Variants in CACNA1E observed in about 807,000 individuals in gnomAD.
CACNA1E encodes the protein calcium voltage-gated channel subunit alpha1 E.
Under a neutral mutation model 259.2 loss-of-function variants are expected in CACNA1E, and 40 were observed. The ratio of observed to expected loss-of-function variants is 0.15; its 90% CI spans 0.12 to 0.20. The LOEUF is 0.20. CACNA1E is among the 10% of genes least tolerant of loss of function. CACNA1E has a pLI of 1.00. For missense variants in CACNA1E, 1,874 were observed against 3,040.1 expected, an observed-to-expected ratio of 0.62 and a Z score of 9.02; for synonymous variants, 1,104 against 1,138.5, an observed-to-expected ratio of 0.97 and a Z score of 0.61.
chr1:181,562,855 A>G (rs1484093321), intron 3 of CACNA1E, among the ~76,000 whole-genome samples: 1 of 152,196 alleles, frequency 6.6e-6, no homozygotes, highest in African/African-American at 2.4e-5. Flanking sequence ...TGTGTTCACA[A>G]TGAAAGTACA....
At chr1:181,771,463 T>A in intron 36 of CACNA1E, 79 bp downstream of exon 36, 1 of 769,724 alleles carries the variant, frequency 1.3e-6, no homozygotes, top group Non-Finnish European at 2.3e-6. Context: ...TCCTCCCATT[T>A]CCCTTTGTAT....
rs1463649661 is a variant in CACNA1E, at chr1:181,799,064, G to A, written c.*230G>A. On this transcript the variant is annotated 3_prime_UTR_variant, in exon 48 of 48. Transcript: ENST00000367573. ...ACTGCCATAGTTCTGCCTCTTTGCT[G>A]GGGAAAGAAACCAGGAACGTGGAGG... 1 of 422,734 alleles carries A rather than the reference G, an allele frequency of 2.4e-6. No individual in the cohort carries two copies. Among genetic ancestry groups the A allele is most frequent in the Non-Finnish European group, 4.2e-6 (1 of 240,872 alleles). 26.2% of individuals were successfully genotyped at this position (422,734 alleles called of 1,614,324 possible).
intron 2 of CACNA1E, among the ~76,000 whole-genome samples, chr1:181,453,249 T>A (rs1661268958): frequency 6.6e-6 from 1 of 152,232 alleles, no homozygotes; most frequent in Non-Finnish European, 1.5e-5. Flanking sequence ...AATAATTTTG[T>A]TTCCTAATCA....
rs557583352 is a variant in CACNA1E at position 181,717,181 on chromosome 1, C to G, written c.1404C>G (p.Ser468=). 6.2e-7 allele frequency: 1 copy of G among 1,614,032 alleles called. No individual in the cohort carries two copies. Among genetic ancestry groups the G allele is most frequent in the African/African-American group, 1.3e-5 (1 of 75,080 alleles). The change falls in exon 11 of 48, where the codon TCC becomes TCG. Residue 468 remains serine (S), a synonymous_variant. Transcript: ENST00000367573. ...FRHKERLLRI[S]IRHMVKSQVF... is the part of the protein sequence containing the mutation. ...ACAAGGAAAGGCTTCTGCGCATCTC[C>G]ATTCGCCACATGGTTAAATCCCAGG...
chr1:181,578,976 G>A, intron 4 of CACNA1E, 96 bp from the exon 5 acceptor site: 3 of 1,055,594 alleles, frequency 2.8e-6, no homozygotes, highest in Non-Finnish European at 4.1e-6. Flanking sequence ...GCAGACGGCA[G>A]CATGGATGAA....
At chr1:181,395,086 G>A (rs1259586359) in intron 1 of CACNA1E, among the ~76,000 whole-genome samples, 1 of 152,196 alleles carries the variant, frequency 6.6e-6, no homozygotes, top group Non-Finnish European at 1.5e-5. Context: ...GAGGGGTAAG[G>A]GTGGAAATAG....
chr1:181,584,853 T>C (rs1651895649), intron 6 of CACNA1E, among the ~76,000 whole-genome samples: 1 of 152,210 alleles, frequency 6.6e-6, no homozygotes, highest in South Asian at 2.1e-4. Context: ...GATTATCTTA[T>C]GGTGCTAGAG....
At chr1:181,372,918 T>G (rs1349556205) in intron 1 of CACNA1E, among the ~76,000 whole-genome samples, 1 of 151,984 alleles carries the variant, frequency 6.6e-6, no homozygotes, top group Non-Finnish European at 1.5e-5. Flanking sequence ...TTTTTAGTTC[T>G]GTTTATGTAA....
At chr1:181,762,210 T>G (rs1031083572) in intron 32 of CACNA1E, among the ~76,000 whole-genome samples, 2 of 152,254 alleles carry the variant, frequency 1.3e-5, no homozygotes, top group African/African-American at 4.8e-5. Context: ...AGCCATTAAA[T>G]ATGGATAGCT....
intron 6 of CACNA1E, among the ~76,000 whole-genome samples, chr1:181,642,851 C>A (rs1353907045): frequency 6.6e-6 from 1 of 152,230 alleles, no homozygotes; most frequent in Non-Finnish European, 1.5e-5. Flanking sequence ...GCCTCCCCAG[C>A]ACCCTGGGCT....
intron 1 of CACNA1E, among the ~76,000 whole-genome samples, chr1:181,347,233 G>A (rs955997964): frequency 6.7e-4 from 102 of 152,156 alleles, no homozygotes; most frequent in Admixed American, 2.0e-3. Flanking sequence ...GGTTTGTTTC[G>A]CTTCTAACCT....
chr1:181,692,756 G>C (rs1651295593), intron 7 of CACNA1E, among the ~76,000 whole-genome samples: 1 of 152,020 alleles, frequency 6.6e-6, no homozygotes, highest in Admixed American at 6.6e-5. Context: ...TTATGACTAA[G>C]TCCTCAAAAG....
In CACNA1E at chr1:181,758,395, A is replaced by G. The variant is rs1015076945; in HGVS notation, c.4494+284A>G. Among the ~76,000 whole-genome samples the G allele has an allele frequency of 1.3e-5, 2 of 152,148 alleles. No homozygotes were observed. The highest frequency in any genetic ancestry group is 2.4e-5 in the African/African-American group (1 of 41,430). On this transcript the variant is annotated intron_variant, in intron 31 of 47. Transcript: ENST00000367573. This position sits in a 1 kb window ranked among gnomAD's most constrained non-coding sequence, Gnocchi z 4.2. ...AGGGTGGAAAAATCAGGAGACAGAGATCCATCATCACGGGGTCTAAAGGAG... is the reference window on the plus strand; with the variant it reads ...AGGGTGGAAAAATCAGGAGACAGAGGTCCATCATCACGGGGTCTAAAGGAG...
intron 6 of CACNA1E, among the ~76,000 whole-genome samples, chr1:181,601,345 G>A (rs867168970): frequency 6.6e-6 from 1 of 152,088 alleles, no homozygotes; most frequent in Non-Finnish European, 1.5e-5. Context: ...CCATGTGCTA[G>A]ACACTGCTCA....
chr1:181,415,539 GAAGT>G (rs1362221908), intron 2 of CACNA1E, among the ~76,000 whole-genome samples: 1 of 152,138 alleles, frequency 6.6e-6, no homozygotes, highest in Non-Finnish European at 1.5e-5. Context: ...TAGGGACAAA[GAAGT>G]AAGGAAAATG....
In CACNA1E at chr1:181,568,912, G is replaced by A. The variant is rs565463077; in HGVS notation, c.513-8854G>A. ...TGAGCCACTGTGCCTGGCCCTCTTCGGACTCCTTACTGTCTACTCTCCCCT... is the reference window on the plus strand; with the variant it reads ...TGAGCCACTGTGCCTGGCCCTCTTCAGACTCCTTACTGTCTACTCTCCCCT... On this transcript the variant is annotated intron_variant, in intron 3 of 47. Transcript: ENST00000367573. 1.5e-4 allele frequency among the ~76,000 whole-genome samples: 23 copies of A among 152,182 alleles called. No homozygotes were observed. The South Asian group carries it at 4.6e-3, about 30-fold the overall frequency.
intron 6 of CACNA1E, among the ~76,000 whole-genome samples, chr1:181,583,703 T>G (rs1325384889): frequency 1.3e-5 from 2 of 152,238 alleles, no homozygotes; most frequent in South Asian, 2.1e-4. Flanking sequence ...TATAATGAAT[T>G]GTAAGGGGGA....
At chr1:181,791,787 G>T (rs916778645) in intron 44 of CACNA1E, among the ~76,000 whole-genome samples, 2 of 152,116 alleles carry the variant, frequency 1.3e-5, no homozygotes, top group African/African-American at 4.8e-5. Flanking sequence ...ATTCATCTGT[G>T]GCTCTTCTCT....
chr1:181,364,267 A>G (rs1018883229), intron 1 of CACNA1E, among the ~76,000 whole-genome samples: 1 of 152,180 alleles, frequency 6.6e-6, no homozygotes, highest in African/African-American at 2.4e-5. Context: ...GCCTTTGTCC[A>G]GCTTTTTCCA....
Sources: allele counts gnomAD v4.1 joint callset (sites outside exome capture counted in the v4.1 genomes callset), GRCh38; gene constraint gnomAD v4.1.1; non-coding constraint Gnocchi (gnomAD v3.1); transcripts MANE v1.5; gene names NCBI Gene and HGNC (gene_info 2026-07-23, HGNC 2026-07-21).